The following DTNA variants were observed in gnomAD, a reference collection of about 807,000 sequenced individuals.
The protein encoded by DTNA is dystrophin-related protein 3.
In DTNA, 43 loss-of-function variants were observed where a neutral mutation model predicts 100.7. The ratio of observed to expected loss-of-function variants is 0.43; its 90% CI spans 0.33 to 0.55. DTNA has a LOEUF of 0.55. Among genes scored for constraint, DTNA ranks in the 20% least tolerant of loss-of-function variants. The pLI, the probability that DTNA is intolerant of heterozygous loss-of-function variation, is 0.04. For synonymous variants in DTNA, 349 were observed against 347.9 expected, an observed-to-expected ratio of 1.00 and a Z score of -0.04; for missense variants, 798 against 953.9, an observed-to-expected ratio of 0.84 and a Z score of 2.15.
At chr18:34,603,108 A>G (rs937931814) in intron 1 of DTNA, among the ~76,000 whole-genome samples, 24 of 151,968 alleles carry the variant, frequency 1.6e-4, no homozygotes, top group Admixed American at 7.2e-4. Flanking sequence ...TGTAGTTCCA[A>G]TCAGGAGACT....
intron 17 of DTNA, among the ~76,000 whole-genome samples, chr18:34,873,965 A>G (rs597368): frequency 0.17 from 26,454 of 152,104 alleles, 2,890 homozygotes; most frequent in African/African-American, 0.32. Context: ...TGGGACCCTC[A>G]GCCCATTGGG....
intron 4 of DTNA, among the ~76,000 whole-genome samples, chr18:34,798,974 A>T (rs578021005): frequency 6.6e-6 from 1 of 152,326 alleles, no homozygotes; most frequent in Non-Finnish European, 1.5e-5. Context: ...TTCACTTTTT[A>T]AAATGAAAAT....
chr18:34,834,264 G>A (rs762648968), intron 11 of DTNA, among the ~76,000 whole-genome samples: 7 of 151,992 alleles, frequency 4.6e-5, no homozygotes, highest in South Asian at 4.2e-4. Context: ...GGGAGGCGAC[G>A]GCAGGTAGAT....
intron 1 of DTNA, among the ~76,000 whole-genome samples, chr18:34,557,349 A>C (rs1217853690): frequency 1.3e-5 from 2 of 149,888 alleles, no homozygotes; most frequent in African/African-American, 5.0e-5. Flanking sequence ...TGATCGTCTG[A>C]AGCCTTCTTC....
intron 1 of DTNA, among the ~76,000 whole-genome samples, chr18:34,568,299 T>C (rs1029394368): frequency 6.6e-6 from 1 of 152,224 alleles, no homozygotes; most frequent in East Asian, 1.9e-4. Flanking sequence ...TGCAGTGATA[T>C]GATTTGTCAA....
intron 1 of DTNA, among the ~76,000 whole-genome samples, chr18:34,605,196 A>C (rs1297102103): frequency 1.3e-5 from 2 of 151,930 alleles, no homozygotes; most frequent in South Asian, 2.1e-4. Flanking sequence ...GTTACTGCAA[A>C]CTTTTTAAAA....
intron 17 of DTNA, among the ~76,000 whole-genome samples, chr18:34,873,942 G>A (rs1044925791): frequency 6.6e-6 from 1 of 152,208 alleles, no homozygotes; most frequent in Non-Finnish European, 1.5e-5. Context: ...AGGTACTGTT[G>A]AGAGTGAAAG....
At chr18:34,820,380 G>T (rs944800566) in intron 8 of DTNA, among the ~76,000 whole-genome samples, 1 of 152,102 alleles carries the variant, frequency 6.6e-6, no homozygotes, top group African/African-American at 2.4e-5. Flanking sequence ...CTCTGTCCTG[G>T]GGATAAAGAG....
At chr18:34,693,746 CTG>C (rs34072179) in intron 1 of DTNA, among the ~76,000 whole-genome samples, 86,406 of 142,976 alleles carry the variant, frequency 0.6, 26,478 homozygotes, top group East Asian at 0.76. Flanking sequence ...CTTGTGTGCA[CTG>C]TGTGTGTGTG....
intron 9 of DTNA, chr18:34,825,148 T>C (rs945605113): frequency 1.8e-5 from 24 of 1,358,582 alleles, no homozygotes; most frequent in African/African-American, 1.6e-4. Context: ...AGTCCTTAAA[T>C]AGAAATGAGC....
chr18:34,861,181 T>C (rs2096620050), intron 16 of DTNA, among the ~76,000 whole-genome samples: 1 of 152,050 alleles, frequency 6.6e-6, no homozygotes, highest in Non-Finnish European at 1.5e-5. Flanking sequence ...CTAACACTGT[T>C]CTAAAAGAAA....
At chr18:34,634,512 G>A (rs1308972656) in intron 1 of DTNA, among the ~76,000 whole-genome samples, 1 of 152,082 alleles carries the variant, frequency 6.6e-6, no homozygotes, top group African/African-American at 2.4e-5. Context: ...AAGAACTGTT[G>A]AATTCTCGTA....
At chr18:34,817,181 T>C (rs2095614872) in intron 7 of DTNA, among the ~76,000 whole-genome samples, 1 of 152,226 alleles carries the variant, frequency 6.6e-6, no homozygotes, top group South Asian at 2.1e-4. Flanking sequence ...ACTCTAGTCT[T>C]TCTCAAGAGC....
chr18:34,612,108 G>A (rs1013395117), intron 1 of DTNA, among the ~76,000 whole-genome samples: 2 of 152,212 alleles, frequency 1.3e-5, no homozygotes, highest in African/African-American at 4.8e-5. Flanking sequence ...CGGCTGGCAA[G>A]GACATCACAA....
intron 1 of DTNA, among the ~76,000 whole-genome samples, chr18:34,591,409 C>T (rs2049710383): frequency 6.6e-6 from 1 of 152,174 alleles, no homozygotes; most frequent in Non-Finnish European, 1.5e-5. Flanking sequence ...TGCACATGAG[C>T]AGTTCTTCAG....
intron 1 of DTNA, among the ~76,000 whole-genome samples, chr18:34,500,684 G>A (rs1055624185): frequency 7.9e-5 from 12 of 151,878 alleles, no homozygotes; most frequent in African/African-American, 2.7e-4. Flanking sequence ...GGCTGGTCAC[G>A]AACTCCTGAC....
chr18:34,825,359 C>T (rs1298574709), intron 9 of DTNA: 1 of 1,532,098 alleles, frequency 6.5e-7, no homozygotes, highest in Non-Finnish European at 9.0e-7. Flanking sequence ...AACAAGTGAG[C>T]AATATGAGGC....
At chr18:34,758,105 A>T (rs554417231) in intron 2 of DTNA, among the ~76,000 whole-genome samples, 1 of 152,188 alleles carries the variant, frequency 6.6e-6, no homozygotes, top group Non-Finnish European at 1.5e-5. Context: ...TATCACTGCG[A>T]ATGTGTTAAA....
chr18:34,632,921 A>AT (rs1258010574), intron 1 of DTNA, among the ~76,000 whole-genome samples: 2 of 152,104 alleles, frequency 1.3e-5, no homozygotes, highest in African/African-American at 2.4e-5. Context: ...ATTATCATTC[A>AT]TTTTTATTCT....
Sources: allele counts gnomAD v4.1 joint callset (sites outside exome capture counted in the v4.1 genomes callset), GRCh38; gene constraint gnomAD v4.1.1; transcripts MANE v1.5; gene names NCBI Gene and HGNC (gene_info 2026-07-23, HGNC 2026-07-21).